FER1L6: variants seen among roughly 807,000 people sequenced by gnomAD.
FER1L6 encodes the protein fer-1-like protein 6.
Under a neutral mutation model 219.2 loss-of-function variants are expected in FER1L6, and 177 were observed. That is an observed-to-expected ratio of 0.81 (90% CI 0.71 to 0.91). FER1L6 has a LOEUF of 0.91. FER1L6 is among the 40% of genes least tolerant of loss of function. The pLI is 0.00. For synonymous variants in FER1L6, 768 were observed against 824.3 expected, an observed-to-expected ratio of 0.93 and a Z score of 1.17; for missense variants, 2,153 against 2,259.9, an observed-to-expected ratio of 0.95 and a Z score of 0.96.
At chr8:123,941,945 G>A (rs1814259719) in intron 1 of FER1L6, among the ~76,000 whole-genome samples, 1 of 152,072 alleles carries the variant, frequency 6.6e-6, no homozygotes, top group Admixed American at 6.5e-5. Flanking sequence ...GTGGTAACAT[G>A]TGAGGTTGGA....
intron 12 of FER1L6, among the ~76,000 whole-genome samples, chr8:124,000,226 C>T (rs1254006878): frequency 6.6e-6 from 1 of 152,198 alleles, no homozygotes; most frequent in Non-Finnish European, 1.5e-5. Flanking sequence ...TTTCTTTCCA[C>T]ACCATTTGGC....
chr8:124,033,301 G>C (rs771367265), intron 18 of FER1L6, among the ~76,000 whole-genome samples: 2 of 152,110 alleles, frequency 1.3e-5, no homozygotes, highest in African/African-American at 4.8e-5. Flanking sequence ...AAATGGCAGA[G>C]GGATTGCTTT....
At chr8:124,114,894 CGTATATATATATATAT>C (rs1325700590) in intron 39 of FER1L6, among the ~76,000 whole-genome samples, 4 of 30,930 alleles carry the variant, frequency 1.3e-4, no homozygotes, top group African/African-American at 3.2e-4. Flanking sequence ...TGTGTGTGTG[CGTATATATATATATAT>C]ATATATATAT....
intron 12 of FER1L6, among the ~76,000 whole-genome samples, chr8:123,994,940 AC>A (rs1817059132): frequency 6.6e-6 from 1 of 152,062 alleles, no homozygotes; most frequent in South Asian, 2.1e-4. Context: ...ATAAGTTAGC[AC>A]TTGTTAGGGT....
At chr8:123,903,115 C>T (rs1333125796) in intron 1 of FER1L6, among the ~76,000 whole-genome samples, 1 of 152,010 alleles carries the variant, frequency 6.6e-6, no homozygotes, top group Non-Finnish European at 1.5e-5. Context: ...AAATTGTTGC[C>T]AATTTTAATG....
chr8:124,108,505 G>A (rs191032726), intron 39 of FER1L6, among the ~76,000 whole-genome samples: 21 of 152,282 alleles, frequency 1.4e-4, no homozygotes, highest in African/African-American at 5.1e-4. Context: ...CCCAGGATGA[G>A]GGAAACGCCT....
At chr8:123,981,538 G>T (rs1210502426) in intron 11 of FER1L6, among the ~76,000 whole-genome samples, 2 of 152,182 alleles carry the variant, frequency 1.3e-5, no homozygotes, top group Non-Finnish European at 2.9e-5. Context: ...GGTCAACTAG[G>T]CGATAATTTC....
chr8:124,012,142 C>T (rs1817964288), intron 14 of FER1L6, among the ~76,000 whole-genome samples: 1 of 152,218 alleles, frequency 6.6e-6, no homozygotes, highest in Admixed American at 6.5e-5. Flanking sequence ...TGTCTTGACC[C>T]TCCTGTTCCG....
At chr8:124,067,586 C>A (rs920579104) in intron 27 of FER1L6, among the ~76,000 whole-genome samples, 181 bp from the exon 28 acceptor site, 2 of 152,126 alleles carry the variant, frequency 1.3e-5, no homozygotes, top group Admixed American at 6.5e-5. Context: ...GATAGGGCAT[C>A]CTATTGGGCT....
intron 8 of FER1L6, among the ~76,000 whole-genome samples, chr8:123,975,637 A>T (rs1186237054): frequency 1.3e-5 from 2 of 152,176 alleles, no homozygotes; most frequent in Non-Finnish European, 2.9e-5. Flanking sequence ...ATGTGGGAAG[A>T]CTTAAATGCA....
At chr8:124,087,986 C>A (rs1241486853) in intron 33 of FER1L6, among the ~76,000 whole-genome samples, 4 of 152,166 alleles carry the variant, frequency 2.6e-5, no homozygotes, top group Non-Finnish European at 5.9e-5. Flanking sequence ...GGGTGACACA[C>A]ACAGCCATGT....
Position 123,980,611 on chromosome 8 carries a change from G to A in FER1L6, c.1210G>A (p.Glu404Lys). The A allele has an allele frequency of 6.2e-7, 1 of 1,614,136 alleles. No individual in the cohort carries two copies. The highest frequency in any genetic ancestry group is 8.5e-7 in the Non-Finnish European group (1 of 1,180,018). Residue 404 changes from glutamate to lysine, a missense_variant, in exon 11 of 41, where the codon GAA becomes AAA. Physicochemically the swap from Glu to Lys is moderately conservative, Grantham distance 56. Coordinates refer to ENST00000522917, the MANE Select transcript of FER1L6 (RefSeq NM_001039112.2). ...CAGAATCTTGGTAGAAATTGCTGTG[G>A]AAATCCTCTCAGGACGGGCACAGGA... is the stretch of plus-strand genomic sequence containing the variant. ...RGRILVEIAVEILSGRAQESK... is the reference protein window; with the variant it reads ...RGRILVEIAVKILSGRAQESK...
rs1814999126 is a variant in FER1L6 at position 123,956,008 on chromosome 8, C to T, written c.10C>T (p.Leu4=). The change falls in exon 2 of 41, where the codon CTG becomes TTG. Residue 4 remains leucine (L), a synonymous_variant. Transcript: ENST00000522917. ...TCTTTTCAGAAAGGGGATGTTTGGGCTGAAGGTGAAGAAGAAGAGAAATAA... is the reference window on the plus strand; with the variant it reads ...TCTTTTCAGAAAGGGGATGTTTGGGTTGAAGGTGAAGAAGAAGAGAAATAA... MFG[L]KVKKKRNKAE... 6.2e-7 allele frequency: 1 copy of T among 1,610,896 alleles called. No homozygotes were observed. Among genetic ancestry groups the T allele is most frequent in the Non-Finnish European group, 8.5e-7 (1 of 1,179,036 alleles).
At chr8:124,055,116 CACA>C (rs542029980) in intron 22 of FER1L6, among the ~76,000 whole-genome samples, 1 of 152,116 alleles carries the variant, frequency 6.6e-6, no homozygotes, top group Non-Finnish European at 1.5e-5. Flanking sequence ...CAGAAAAGCC[CACA>C]ACATTTTACA....
chr8:123,949,591 G>C (rs1453491767), intron 1 of FER1L6, among the ~76,000 whole-genome samples: 1 of 152,202 alleles, frequency 6.6e-6, no homozygotes, highest in African/African-American at 2.4e-5. Flanking sequence ...GGAGGAAGCT[G>C]TTTGGACTAG....
At chr8:123,992,172 T>A (rs1360535274) in intron 12 of FER1L6, among the ~76,000 whole-genome samples, 1 of 152,048 alleles carries the variant, frequency 6.6e-6, no homozygotes, top group Non-Finnish European at 1.5e-5. Flanking sequence ...CTTTTTGTTA[T>A]GTCCTTTCCT....
chr8:123,880,913 G>A (rs1196722727), intron 1 of FER1L6, among the ~76,000 whole-genome samples: 1 of 152,052 alleles, frequency 6.6e-6, no homozygotes, highest in Non-Finnish European at 1.5e-5. Flanking sequence ...CCAGTTGGGG[G>A]CTAGAACCTC....
At chr8:124,005,216 G>A (rs556273856) in intron 13 of FER1L6, among the ~76,000 whole-genome samples, 56 of 152,082 alleles carry the variant, frequency 3.7e-4, no homozygotes, top group Non-Finnish European at 6.9e-4. Flanking sequence ...CAAGACCTTC[G>A]CTAAACTATG....
intron 3 of FER1L6, among the ~76,000 whole-genome samples, chr8:123,965,598 G>A (rs1206863646): frequency 6.6e-6 from 1 of 152,220 alleles, no homozygotes; most frequent in African/African-American, 2.4e-5. Context: ...GAATGGTCCT[G>A]TGTATGGAAT....
Sources: gnomAD v4.1 joint callset for allele counts (sites outside exome capture counted in the v4.1 genomes callset) on GRCh38, gnomAD v4.1.1 for gene constraint, MANE v1.5 for transcripts, NCBI Gene and HGNC (gene_info 2026-07-23, HGNC 2026-07-21) for gene names.